CDH20: variants seen among roughly 807,000 people sequenced by gnomAD.
CDH20 encodes the protein cadherin 20.
CDH20 carries 29 observed loss-of-function variants against 74.2 expected under a neutral mutation model. That is an observed-to-expected ratio of 0.39 (90% CI 0.29 to 0.53). CDH20 has a LOEUF of 0.53. Ranked by LOEUF, CDH20 falls within the 20% of genes least tolerant of loss-of-function variation. The pLI is 0.69. For synonymous variants in CDH20, 469 were observed against 405.4 expected, an observed-to-expected ratio of 1.16 and a Z score of -1.88; for missense variants, 988 against 1,048.3, an observed-to-expected ratio of 0.94 and a Z score of 0.79.
intron 1 of CDH20, among the ~76,000 whole-genome samples, chr18:61,481,759 G>GCTGGT (rs1285127990): frequency 6.6e-6 from 1 of 151,940 alleles, no homozygotes; most frequent in East Asian, 1.9e-4. Context: ...TGTTGCCCAG[G>GCTGGT]CTGGTCTTGA....
intron 1 of CDH20, among the ~76,000 whole-genome samples, chr18:61,362,173 A>T (rs78341377): frequency 9.3e-4 from 142 of 152,280 alleles, no homozygotes; most frequent in Middle Eastern, 3.4e-3. Flanking sequence ...AATTACAGAA[A>T]ATTTAAGAAA....
chr18:61,371,138 T>C (rs187149062), intron 1 of CDH20, among the ~76,000 whole-genome samples: 8 of 152,174 alleles, frequency 5.3e-5, no homozygotes. Context: ...TCCCTTGCAT[T>C]TGTGTTTTCT....
intron 1 of CDH20, among the ~76,000 whole-genome samples, chr18:61,486,800 C>T (rs752469603): frequency 1.2e-4 from 19 of 152,210 alleles, no homozygotes; most frequent in Non-Finnish European, 2.6e-4. Flanking sequence ...GTCACGGAGT[C>T]GACTGACTGC....
At chr18:61,444,366 A>G (rs938169774) in intron 1 of CDH20, among the ~76,000 whole-genome samples, 4 of 152,296 alleles carry the variant, frequency 2.6e-5, no homozygotes, top group Middle Eastern at 3.4e-3. Flanking sequence ...GCTGACATAT[A>G]TCTTTCTTGG....
At chr18:61,452,046 A>G (rs549619605) in intron 1 of CDH20, among the ~76,000 whole-genome samples, 2 of 152,116 alleles carry the variant, frequency 1.3e-5, no homozygotes, top group African/African-American at 4.8e-5. Flanking sequence ...GGAAGGACAA[A>G]TACTACTATT....
At chr18:61,415,960 T>C (rs940834201) in intron 1 of CDH20, among the ~76,000 whole-genome samples, 1 of 152,140 alleles carries the variant, frequency 6.6e-6, no homozygotes, top group South Asian at 2.1e-4. Context: ...ATTATTTTAG[T>C]CTGCTTAGCC....
chr18:61,460,643 C>G (rs1180620192), intron 1 of CDH20, among the ~76,000 whole-genome samples: 1 of 152,158 alleles, frequency 6.6e-6, no homozygotes, highest in Admixed American at 6.6e-5. Flanking sequence ...AGGGTAGCAC[C>G]ACCATCTTTC....
intron 1 of CDH20, among the ~76,000 whole-genome samples, chr18:61,352,870 G>T (rs1381670186): frequency 6.6e-6 from 1 of 152,192 alleles, no homozygotes; most frequent in Non-Finnish European, 1.5e-5. Flanking sequence ...TTCATTCATA[G>T]AAGTTCTCAT....
At chr18:61,411,930 A>G (rs1483302847) in intron 1 of CDH20, among the ~76,000 whole-genome samples, 2 of 152,190 alleles carry the variant, frequency 1.3e-5, no homozygotes, top group East Asian at 3.9e-4. Flanking sequence ...GTGCACCAAA[A>G]TCTCACGAAT....
At chr18:61,518,438 G>GCTGT (rs1912081743) in intron 6 of CDH20, among the ~76,000 whole-genome samples, 1 of 143,954 alleles carries the variant, frequency 6.9e-6, no homozygotes, top group Non-Finnish European at 1.5e-5. Flanking sequence ...AGCAATCTTT[G>GCTGT]CTGTTCTGCA....
intron 1 of CDH20, among the ~76,000 whole-genome samples, chr18:61,435,360 G>A (rs1293321627): frequency 6.6e-6 from 1 of 152,056 alleles, no homozygotes; most frequent in East Asian, 1.9e-4. Context: ...CCCATACTCT[G>A]CCCTTTTTCC....
At chr18:61,519,202 G>A (rs913045929) in intron 6 of CDH20, among the ~76,000 whole-genome samples, 1 of 151,172 alleles carries the variant, frequency 6.6e-6, no homozygotes, top group Non-Finnish European at 1.5e-5. Flanking sequence ...CACTTTTCAG[G>A]GTATTATCCA....
Position 61,499,220 on chromosome 18 carries a change from T to C in CDH20, c.281T>C (p.Ile94Thr). 6.2e-7 allele frequency: 1 copy of C among 1,604,766 alleles called. No homozygotes were observed. Among genetic ancestry groups the C allele is most frequent in the Admixed American group, 1.7e-5 (1 of 59,154 alleles). The change falls in exon 3 of 12, where the codon ATC becomes ACC. Residue 94 changes from isoleucine (I) to threonine (T), a missense_variant. By Grantham distance (89) the Ile-to-Thr change is moderately conservative. Transcript: ENST00000262717. Reference sequence around the variant, plus strand: ...GATATGGACAGGGGAGACGGATCCATCAAATACATCCTCTCGGGAGAAGGT... The same window carrying C: ...GATATGGACAGGGGAGACGGATCCACCAAATACATCCTCTCGGGAGAAGGT... ...HSDMDRGDGS[I>T]KYILSGEGAG... is the part of the protein sequence containing the mutation.
At chr18:61,363,800 A>G (rs1404622587) in intron 1 of CDH20, among the ~76,000 whole-genome samples, 2 of 152,220 alleles carry the variant, frequency 1.3e-5, no homozygotes, top group Non-Finnish European at 1.5e-5. Context: ...CTTTTATTAC[A>G]TCAAAGTTGG....
intron 1 of CDH20, among the ~76,000 whole-genome samples, chr18:61,446,185 G>A (rs538820421): frequency 3.9e-5 from 6 of 152,204 alleles, no homozygotes; most frequent in Admixed American, 6.5e-5. Flanking sequence ...ACTTCACGAG[G>A]GAAAAATATC....
intron 1 of CDH20, among the ~76,000 whole-genome samples, chr18:61,336,340 C>T (rs1239157529): frequency 1.3e-5 from 2 of 152,238 alleles, no homozygotes; most frequent in African/African-American, 2.4e-5. Context: ...TTGGTATTAA[C>T]TTCTCTCTTC....
intron 1 of CDH20, chr18:61,391,629 G>C (rs1911784248): frequency 6.6e-6 from 1 of 152,132 alleles, no homozygotes; most frequent in Admixed American, 6.6e-5. Flanking sequence ...TACTAAAATT[G>C]GAATGATACA....
At chr18:61,430,817 T>C (rs774605725) in intron 1 of CDH20, among the ~76,000 whole-genome samples, 5 of 152,300 alleles carry the variant, frequency 3.3e-5, no homozygotes, top group Non-Finnish European at 7.4e-5. Context: ...TCTTACTTTC[T>C]GGCAGTATAA....
chr18:61,534,525 A>G (rs2144383651), intron 7 of CDH20, among the ~76,000 whole-genome samples: 1 of 152,392 alleles, frequency 6.6e-6, no homozygotes, highest in South Asian at 2.1e-4. Flanking sequence ...TGGCATACAT[A>G]CACAATGGAA....
Sources: gnomAD v4.1 joint callset for allele counts (sites outside exome capture counted in the v4.1 genomes callset) on GRCh38, gnomAD v4.1.1 for gene constraint, MANE v1.5 for transcripts, NCBI Gene and HGNC (gene_info 2026-07-23, HGNC 2026-07-21) for gene names.